Variants in XNDC1N observed in about 807,000 individuals in gnomAD.
XNDC1N encodes XRCC1 N-terminal domain containing 1, N-terminal like.
At chr11:71,898,044 C>A in the XNDC1N span, among the ~76,000 whole-genome samples, 16 of 148,642 alleles carry the variant, frequency 1.1e-4, no homozygotes, top group Admixed American at 4.6e-4. Flanking sequence ...ATGAAACGAG[C>A]GTGGTGGCGT....
At chr11:71,925,430 A>T in the XNDC1N span, among the ~76,000 whole-genome samples, 1 of 152,166 alleles carries the variant, frequency 6.6e-6, no homozygotes, top group Non-Finnish European at 1.5e-5. Flanking sequence ...AGTGAATGCC[A>T]TCTAAACATC....
the XNDC1N span, among the ~76,000 whole-genome samples, chr11:71,900,724 C>T: frequency 5.9e-5 from 9 of 152,160 alleles, no homozygotes; most frequent in South Asian, 2.1e-4. Flanking sequence ...TTACTGAGGG[C>T]TTCCTAAAGG....
At chr11:71,915,470 A>AT in the XNDC1N span, among the ~76,000 whole-genome samples, 1 of 151,996 alleles carries the variant, frequency 6.6e-6, no homozygotes, top group African/African-American at 2.4e-5. Context: ...GAAAAAAAAA[A>AT]GATTACGACT....
chr11:71,900,072 T>C, the XNDC1N span, among the ~76,000 whole-genome samples: 1 of 152,282 alleles, frequency 6.6e-6, no homozygotes, highest in Non-Finnish European at 1.5e-5. Context: ...TGTCCAATCA[T>C]AGTACCTTCC....
chr11:71,877,407 G>A, the XNDC1N span, among the ~76,000 whole-genome samples: 2 of 152,238 alleles, frequency 1.3e-5, no homozygotes, highest in East Asian at 1.9e-4. Flanking sequence ...GGAGGCCGAG[G>A]CATGTGGATC....
the XNDC1N span, chr11:71,893,603 A>G: frequency 2.7e-3 from 2,798 of 1,048,880 alleles, 2 homozygotes; most frequent in South Asian, 4.3e-3. Context: ...AACCTGCTCA[A>G]CATCCTGGCT....
At chr11:71,923,234 G>A in the XNDC1N span, 1 of 698,118 alleles carries the variant, frequency 1.4e-6, no homozygotes, top group Non-Finnish European at 2.6e-6. Context: ...TTTCCTGAAA[G>A]TGGAGCCAAG....
the XNDC1N span, among the ~76,000 whole-genome samples, chr11:71,914,009 T>C: frequency 2.6e-5 from 4 of 152,346 alleles, no homozygotes; most frequent in Admixed American, 2.6e-4. Context: ...ACATTTATGC[T>C]CACTGGTAAT....
the XNDC1N span, among the ~76,000 whole-genome samples, chr11:71,898,258 C>T: frequency 2.6e-5 from 4 of 151,362 alleles, no homozygotes; most frequent in Admixed American, 6.6e-5. Flanking sequence ...TGACGCAGGC[C>T]GCAACATGGA....
chr11:71,891,924 G>A, the XNDC1N span, among the ~76,000 whole-genome samples: 1 of 151,902 alleles, frequency 6.6e-6, no homozygotes, highest in Non-Finnish European at 1.5e-5. Flanking sequence ...GATATTGGGA[G>A]TAACATCATT....
chr11:71,883,829 A>G, the XNDC1N span, among the ~76,000 whole-genome samples: 1 of 152,194 alleles, frequency 6.6e-6, no homozygotes, highest in Non-Finnish European at 1.5e-5. Context: ...CTTGAGCCCG[A>G]ATACACTGGG....
the XNDC1N span, among the ~76,000 whole-genome samples, chr11:71,885,509 T>C: frequency 2.0e-5 from 3 of 152,146 alleles, no homozygotes; most frequent in African/African-American, 7.2e-5. Context: ...CAGTGCTATA[T>C]TGGGAGTAAC....
the XNDC1N span, among the ~76,000 whole-genome samples, chr11:71,924,805 C>T: frequency 6.6e-6 from 1 of 152,102 alleles, no homozygotes; most frequent in Non-Finnish European, 1.5e-5. Context: ...CTTATGCATC[C>T]ATCACCTTAC....
At chr11:71,868,390 T>C in the XNDC1N span, among the ~76,000 whole-genome samples, 1 of 152,220 alleles carries the variant, frequency 6.6e-6, no homozygotes, top group African/African-American at 2.4e-5. Context: ...ATCTATGTAA[T>C]TAATTGTGTT....
chr11:71,885,210 G>A, the XNDC1N span, among the ~76,000 whole-genome samples: 14 of 151,990 alleles, frequency 9.2e-5, no homozygotes, highest in Admixed American at 7.9e-4. Flanking sequence ...CTGGGATATC[G>A]CGTGTCATAT....
chr11:71,909,983 G>C, the XNDC1N span, among the ~76,000 whole-genome samples: 40 of 152,010 alleles, frequency 2.6e-4, no homozygotes, highest in Admixed American at 6.5e-4. Context: ...CTGGCTAAGC[G>C]GTGGCCAAGA....
chr11:71,905,980 G>T, the XNDC1N span, among the ~76,000 whole-genome samples: 1 of 151,836 alleles, frequency 6.6e-6, no homozygotes, highest in South Asian at 2.1e-4. Context: ...ACAATATTGG[G>T]AGCAATATCA....
chr11:71,923,163 G>C, the XNDC1N span: 1 of 656,316 alleles, frequency 1.5e-6, no homozygotes, highest in Non-Finnish European at 2.7e-6. Context: ...CAACCTGAGG[G>C]CAAGAGCTGT....
At chr11:71,881,699 A>G in the XNDC1N span, among the ~76,000 whole-genome samples, 3 of 152,192 alleles carry the variant, frequency 2.0e-5, no homozygotes, top group African/African-American at 7.2e-5. Flanking sequence ...ACTTTAACAT[A>G]CAAATTTTGG....
Sources: allele counts gnomAD v4.1 joint callset (sites outside exome capture counted in the v4.1 genomes callset), GRCh38; gene constraint gnomAD v4.1.1; transcripts MANE v1.5; gene names NCBI Gene and HGNC (gene_info 2026-07-23, HGNC 2026-07-21).